RIT2: variants seen among roughly 807,000 people sequenced by gnomAD.
RIT2 encodes the protein GTP-binding protein Rit2.
In RIT2, 24 loss-of-function variants were observed where a neutral mutation model predicts 23.7. The observed-to-expected ratio is 1.01, with a 90% CI of 0.73 to 1.43. The LOEUF (loss-of-function observed/expected upper bound fraction) is 1.43. RIT2 is among the 40% of genes most tolerant of loss of function. RIT2 has a pLI of 0.00. For missense variants in RIT2, 236 were observed against 266.9 expected, an observed-to-expected ratio of 0.88 and a Z score of 0.81; for synonymous variants, 107 against 91.1, an observed-to-expected ratio of 1.17 and a Z score of -0.99.
intron 4 of RIT2, among the ~76,000 whole-genome samples, chr18:42,777,700 C>T (rs1204450913): frequency 6.6e-6 from 1 of 152,096 alleles, no homozygotes; most frequent in African/African-American, 2.4e-5. Context: ...TAGCTTTAGA[C>T]CACAGTCTTA....
intron 4 of RIT2, among the ~76,000 whole-genome samples, chr18:42,861,373 T>C (rs1907323320): frequency 6.6e-6 from 1 of 152,216 alleles, no homozygotes; most frequent in Non-Finnish European, 1.5e-5. Context: ...ATCTCCTGAC[T>C]GATTTGAGCA....
chr18:42,934,299 A>T (rs551000001), intron 3 of RIT2, among the ~76,000 whole-genome samples: 10 of 152,320 alleles, frequency 6.6e-5, no homozygotes, highest in African/African-American at 2.4e-4. Context: ...GCTGTTCCAT[A>T]ACACAAAAAC....
At chr18:42,746,693 A>G (rs1427345064) in intron 4 of RIT2, among the ~76,000 whole-genome samples, 2 of 152,108 alleles carry the variant, frequency 1.3e-5, no homozygotes, top group Non-Finnish European at 2.9e-5. Flanking sequence ...ACACTAGTAC[A>G]CAAGAGACAG....
At chr18:42,842,228 A>C (rs1906786471) in intron 4 of RIT2, among the ~76,000 whole-genome samples, 1 of 152,188 alleles carries the variant, frequency 6.6e-6, no homozygotes, top group African/African-American at 2.4e-5. Flanking sequence ...ATCCATTTAT[A>C]TATCACTCAC....
chr18:42,752,425 A>G (rs1301330913), intron 4 of RIT2, among the ~76,000 whole-genome samples: 3 of 152,128 alleles, frequency 2.0e-5, no homozygotes, highest in Non-Finnish European at 4.4e-5. Context: ...AAGGAATTAA[A>G]TTTTCTTATT....
intron 1 of RIT2, among the ~76,000 whole-genome samples, chr18:43,062,357 C>T (rs1006754009): frequency 2.0e-5 from 3 of 152,116 alleles, no homozygotes; most frequent in African/African-American, 7.2e-5. Context: ...GACCCAGTTA[C>T]AAATAAAAGC....
chr18:42,885,658 T>G (rs938722409), intron 4 of RIT2, among the ~76,000 whole-genome samples: 1 of 152,190 alleles, frequency 6.6e-6, no homozygotes, highest in Non-Finnish European at 1.5e-5. Flanking sequence ...CATGGATCTT[T>G]ACTATTAGAG....
At chr18:42,901,862 A>C (rs1434531093) in intron 4 of RIT2, among the ~76,000 whole-genome samples, 1 of 151,942 alleles carries the variant, frequency 6.6e-6, no homozygotes. Flanking sequence ...AGACTATCCA[A>C]AGCTCTCTGG....
chr18:43,079,813 T>G (rs1913112221), intron 1 of RIT2, among the ~76,000 whole-genome samples: 1 of 152,164 alleles, frequency 6.6e-6, no homozygotes, highest in Admixed American at 6.5e-5. Flanking sequence ...TGATTGGACT[T>G]CTCCCCTACA....
chr18:42,777,528 C>T (rs970358208), intron 4 of RIT2, among the ~76,000 whole-genome samples: 8 of 152,134 alleles, frequency 5.3e-5, no homozygotes, highest in African/African-American at 1.9e-4. Flanking sequence ...GTAAGGAATG[C>T]TTCCAGTTTC....
chr18:42,914,106 T>A (rs1166506568), intron 4 of RIT2, among the ~76,000 whole-genome samples: 1 of 152,046 alleles, frequency 6.6e-6, no homozygotes, highest in Non-Finnish European at 1.5e-5. Context: ...TAGACTAATG[T>A]AAATTAAAAT....
chr18:42,893,840 G>T, intron 4 of RIT2, among the ~76,000 whole-genome samples: 1 of 151,968 alleles, frequency 6.6e-6, no homozygotes, highest in East Asian at 1.9e-4. Context: ...TTACTCTTTG[G>T]TTATTTTTCA....
chr18:43,046,312 GT>G (rs1439293977), intron 1 of RIT2, among the ~76,000 whole-genome samples: 2 of 152,184 alleles, frequency 1.3e-5, no homozygotes, highest in Non-Finnish European at 2.9e-5. Flanking sequence ...GATTTGCACA[GT>G]TTTAGAACAG....
intron 4 of RIT2, among the ~76,000 whole-genome samples, chr18:42,766,375 T>G (rs1157456820): frequency 6.6e-6 from 1 of 152,156 alleles, no homozygotes; most frequent in Non-Finnish European, 1.5e-5. Flanking sequence ...TTCCTATGTT[T>G]TAGCAAAAAG....
intron 4 of RIT2, among the ~76,000 whole-genome samples, chr18:42,889,967 A>T (rs1197591982): frequency 6.6e-6 from 1 of 152,124 alleles, no homozygotes; most frequent in Admixed American, 6.6e-5. Context: ...TGCATTAAAG[A>T]GATAAAACCC....
In RIT2 at chr18:42,850,112, T is replaced by TGA. The variant is rs776160153; in HGVS notation, c.426+73458_426+73459dup. 2.6e-4 allele frequency among the ~76,000 whole-genome samples: 39 copies of TGA among 151,356 alleles called. 1 individual carries two copies. The South Asian group carries it at 7.3e-3, about 28-fold the overall frequency. On this transcript the variant is annotated intron_variant, in intron 4 of 4. Transcript: ENST00000326695. ...GTGTGTGTGTGTGTGTGTGTGTGTG[T>TGA]GAATATACATAACGAGATTAATAAA...
intron 4 of RIT2, among the ~76,000 whole-genome samples, chr18:42,798,228 A>C (rs1157844827): frequency 6.6e-6 from 1 of 152,190 alleles, no homozygotes; most frequent in African/African-American, 2.4e-5. Context: ...AACCATTCTG[A>C]ATTTAGAAAG....
intron 4 of RIT2, among the ~76,000 whole-genome samples, chr18:42,859,442 C>A (rs1468463498): frequency 6.6e-6 from 1 of 152,070 alleles, no homozygotes; most frequent in Admixed American, 6.5e-5. Context: ...CTTTGTGTAG[C>A]CTGGATAAAA....
chr18:43,079,191 C>T (rs1025939610), intron 1 of RIT2, among the ~76,000 whole-genome samples: 2 of 152,108 alleles, frequency 1.3e-5, no homozygotes, highest in African/African-American at 4.8e-5. Flanking sequence ...AAGTGAAGAA[C>T]CAAAACAAAC....
Sources: allele counts gnomAD v4.1 joint callset (sites outside exome capture counted in the v4.1 genomes callset), GRCh38; gene constraint gnomAD v4.1.1; transcripts MANE v1.5; gene names NCBI Gene and HGNC (gene_info 2026-07-23, HGNC 2026-07-21).